The following SUGCT variants were observed in gnomAD, a reference collection of about 807,000 sequenced individuals.
SUGCT encodes the protein succinyl-CoA:glutarate-CoA transferase, also known as succinyl-CoA:glutarate CoA-transferase.
In SUGCT, 41 loss-of-function variants were observed where a neutral mutation model predicts 55.0. The ratio of observed to expected loss-of-function variants is 0.74; its 90% confidence interval spans 0.58 to 0.97. SUGCT has a LOEUF of 0.97. Ranked by LOEUF, SUGCT falls within the 50% of genes least tolerant of loss-of-function variation. SUGCT has a pLI of 0.00. For missense variants in SUGCT, 568 were observed against 547.8 expected (o/e 1.04, Z -0.37); for synonymous variants, 187 against 200.4 (o/e 0.93, Z 0.56).
At chr7:40,147,323 C>T (rs961483003) in intron 1 of SUGCT, among the ~76,000 whole-genome samples, 11 of 152,176 alleles carry the variant, frequency 7.2e-5, no homozygotes, top group Non-Finnish European at 1.5e-4. Flanking sequence ...TCAACCCCCC[C>T]ATCATGGGGA....
At chr7:40,951,149 T>C in the SUGCT span, among the ~76,000 whole-genome samples, 3 of 152,202 alleles carry the variant, frequency 2.0e-5, no homozygotes, top group Admixed American at 6.5e-5. Flanking sequence ...CTGTTATTGG[T>C]CTATTCAGAG....
the SUGCT span, among the ~76,000 whole-genome samples, chr7:40,950,370 G>T: frequency 1.3e-5 from 2 of 152,162 alleles, no homozygotes; most frequent in African/African-American, 2.4e-5. Flanking sequence ...AGACGATGGG[G>T]TTTTCTAGAT....
chr7:40,529,062 A>G (rs1793950364), intron 12 of SUGCT, among the ~76,000 whole-genome samples: 1 of 152,224 alleles, frequency 6.6e-6, no homozygotes, highest in African/African-American at 2.4e-5. Flanking sequence ...AATTCCCACA[A>G]CATAGGAAGG....
At chr7:40,786,029 T>C (rs1156404184) in intron 13 of SUGCT, among the ~76,000 whole-genome samples, 2 of 152,118 alleles carry the variant, frequency 1.3e-5, no homozygotes, top group Non-Finnish European at 2.9e-5. Flanking sequence ...AACCCAGGGA[T>C]CTGAGGCTGC....
intron 10 of SUGCT, among the ~76,000 whole-genome samples, chr7:40,452,395 T>C (rs1166973988): frequency 3.3e-5 from 5 of 152,166 alleles, no homozygotes; most frequent in African/African-American, 1.2e-4. Flanking sequence ...AGACTATACA[T>C]TGGTTCTCAA....
At chr7:40,771,832 A>T (rs1789120995) in intron 13 of SUGCT, among the ~76,000 whole-genome samples, 1 of 152,214 alleles carries the variant, frequency 6.6e-6, no homozygotes. Flanking sequence ...CACTGAGACT[A>T]ACTGAATGAA....
At chr7:40,352,274 A>AT (rs908586037) in intron 9 of SUGCT, among the ~76,000 whole-genome samples, 2 of 151,912 alleles carry the variant, frequency 1.3e-5, no homozygotes, top group African/African-American at 2.4e-5. Flanking sequence ...CTTCTATACA[A>AT]TTTTTTTTAG....
At chr7:40,495,101 A>G (rs1562816801) in intron 11 of SUGCT, among the ~76,000 whole-genome samples, 1 of 151,854 alleles carries the variant, frequency 6.6e-6, no homozygotes, top group Non-Finnish European at 1.5e-5. Context: ...TAGTAGAGAC[A>G]GGGTTTCACC....
chr7:40,886,855 A>G, the SUGCT span, among the ~76,000 whole-genome samples: 1 of 152,238 alleles, frequency 6.6e-6, no homozygotes, highest in Non-Finnish European at 1.5e-5. Flanking sequence ...ACAGGCCCAG[A>G]AAAGTCTATT....
the SUGCT span, among the ~76,000 whole-genome samples, chr7:41,002,555 G>A: frequency 6.6e-6 from 1 of 152,122 alleles, no homozygotes; most frequent in Admixed American, 6.5e-5. Flanking sequence ...CCCAAGGAGG[G>A]CTGCCTGGCA....
At chr7:40,302,330 C>T (rs1430158860) in intron 8 of SUGCT, among the ~76,000 whole-genome samples, 1 of 152,136 alleles carries the variant, frequency 6.6e-6, no homozygotes, top group Non-Finnish European at 1.5e-5. Flanking sequence ...CTCTGCTTTC[C>T]CTCCAATTAT....
At chr7:40,736,089 GAC>G (rs201985179) in intron 12 of SUGCT, among the ~76,000 whole-genome samples, 4 of 150,962 alleles carry the variant, frequency 2.6e-5, no homozygotes, top group African/African-American at 2.4e-5. Flanking sequence ...AACCCAGAGA[GAC>G]ACACACACAC....
chr7:40,309,113 C>G (rs968853127), intron 8 of SUGCT, among the ~76,000 whole-genome samples: 1 of 152,190 alleles, frequency 6.6e-6, no homozygotes, highest in Non-Finnish European at 1.5e-5. Flanking sequence ...TTTAAAAGAG[C>G]ACTCTCTGTG....
At chr7:40,188,124 TC>T in intron 3 of SUGCT, among the ~76,000 whole-genome samples, 1 of 152,092 alleles carries the variant, frequency 6.6e-6, no homozygotes, top group African/African-American at 2.4e-5. Context: ...ATTTTTATTT[TC>T]AAGGTCACTT....
At chr7:40,801,691 T>G (rs2128751061) in intron 13 of SUGCT, among the ~76,000 whole-genome samples, 1 of 152,312 alleles carries the variant, frequency 6.6e-6, no homozygotes, top group South Asian at 2.1e-4. Flanking sequence ...AAGTTCAGAA[T>G]TGAAATCTTG....
the SUGCT span, among the ~76,000 whole-genome samples, chr7:40,904,675 T>G: frequency 4.7e-4 from 71 of 152,248 alleles, no homozygotes; most frequent in East Asian, 0.013. Context: ...TTAAAATGGT[T>G]GAGATGATAC....
At chr7:40,840,500 A>C (rs1289149723) in intron 13 of SUGCT, among the ~76,000 whole-genome samples, 1 of 151,814 alleles carries the variant, frequency 6.6e-6, no homozygotes, top group Non-Finnish European at 1.5e-5. Flanking sequence ...AAAACATTCA[A>C]TCAACTAAAT....
At chr7:40,662,658 G>T in intron 12 of SUGCT, among the ~76,000 whole-genome samples, 1 of 152,050 alleles carries the variant, frequency 6.6e-6, no homozygotes, top group East Asian at 1.9e-4. Context: ...CCTCTTTCAG[G>T]TCTCATTTCA....
chr7:40,469,814 AC>A (rs1006506922), intron 11 of SUGCT, among the ~76,000 whole-genome samples: 2 of 152,080 alleles, frequency 1.3e-5, no homozygotes, highest in East Asian at 1.9e-4. Flanking sequence ...ATGTTTGTAT[AC>A]GGAGGGGATG....
Sources: gnomAD v4.1 joint callset for allele counts (sites outside exome capture counted in the v4.1 genomes callset) on GRCh38, gnomAD v4.1.1 for gene constraint, MANE v1.5 for transcripts, NCBI Gene and HGNC (gene_info 2026-07-23, HGNC 2026-07-21) for gene names.